Variants in VDAC1 observed in about 807,000 individuals in gnomAD.
VDAC1 encodes non-selective voltage-gated ion channel VDAC1.
Under a neutral mutation model 34.7 loss-of-function variants are expected in VDAC1, and 10 were observed. The ratio of observed to expected loss-of-function variants is 0.29; its 90% CI spans 0.18 to 0.49. The LOEUF is 0.49. Among genes scored for constraint, VDAC1 ranks in the 20% least tolerant of loss-of-function variants. The pLI, the probability that VDAC1 is intolerant of heterozygous loss-of-function variation, is 0.99. For synonymous variants in VDAC1, 130 were observed against 136.0 expected (o/e 0.96, Z 0.30); for missense variants, 230 against 347.9 (o/e 0.66, Z 2.69).
At chr5:134,091,458 G>C in the VDAC1 span, among the ~76,000 whole-genome samples, 56,108 of 152,056 alleles carry the variant, frequency 0.37, 12,918 homozygotes, top group Non-Finnish European at 0.52. Flanking sequence ...ATTGTGAACT[G>C]GACATTGGAA....
chr5:134,035,146 C>T, the VDAC1 span, among the ~76,000 whole-genome samples: 4 of 152,250 alleles, frequency 2.6e-5, no homozygotes, highest in Non-Finnish European at 5.9e-5. Flanking sequence ...GGTCGCTGGG[C>T]TGAGGCAGGA....
At chr5:134,022,404 T>C in the VDAC1 span, among the ~76,000 whole-genome samples, 1 of 152,236 alleles carries the variant, frequency 6.6e-6, no homozygotes, top group African/African-American at 2.4e-5. Flanking sequence ...GATGCTGCCA[T>C]CTGGCGAGGG....
intron 6 of VDAC1, among the ~76,000 whole-genome samples, chr5:133,977,916 AAAGG>A (rs1752538606): frequency 1.3e-5 from 2 of 152,200 alleles, no homozygotes; most frequent in Non-Finnish European, 2.9e-5. Flanking sequence ...AATTTTTTAA[AAAGG>A]AATGACCATC....
At chr5:134,050,559 C>T in the VDAC1 span, among the ~76,000 whole-genome samples, 1 of 152,128 alleles carries the variant, frequency 6.6e-6, no homozygotes, top group Non-Finnish European at 1.5e-5. Context: ...TCCTAAATTA[C>T]AGGGGAATGA....
rs151293292 is a variant in VDAC1 at position 133,989,930 on chromosome 5, G to A, written c.323+925C>T. 5.6e-3 allele frequency among the ~76,000 whole-genome samples: 858 copies of A among 152,352 alleles called. 5 individuals are homozygous for A. The highest frequency in any genetic ancestry group is 0.018 in the African/African-American group (760 of 41,592). ...GCCTGCCTCAGCCTCCCAAAGTGTT[G>A]GGATTACAGGCGTGAGCCACCACGC... On this transcript the variant is annotated intron_variant, in intron 5 of 8. Transcript: ENST00000265333.
At chr5:134,005,168 G>A (rs1309978887), upstream of VDAC1, 1 of 152,210 alleles carries the variant, frequency 6.6e-6, no homozygotes, top group African/African-American at 2.4e-5. Context: ...CTCCTGCTTG[G>A]CCTCCGCGCT....
At chr5:134,017,923 A>G in the VDAC1 span, among the ~76,000 whole-genome samples, 2 of 152,262 alleles carry the variant, frequency 1.3e-5, no homozygotes, top group Non-Finnish European at 2.9e-5. Context: ...AAAAAAATAA[A>G]TAAAAACAAA....
the VDAC1 span, among the ~76,000 whole-genome samples, chr5:134,017,242 G>A: frequency 2.0e-5 from 3 of 152,186 alleles, no homozygotes; most frequent in Admixed American, 2.0e-4. Context: ...TGAGGCGGGT[G>A]GATCACCTGA....
intron 5 of VDAC1, among the ~76,000 whole-genome samples, chr5:133,985,057 C>T (rs571985300): frequency 6.6e-6 from 1 of 152,318 alleles, no homozygotes; most frequent in Admixed American, 6.5e-5. Flanking sequence ...ACTCTAAAAG[C>T]TTGCTATATA....
In VDAC1 at chr5:133,972,011, G is replaced by A. The variant is rs1305688970; in HGVS notation, c.*760C>T. On this transcript the variant is annotated 3_prime_UTR_variant, in exon 9 of 9. Coordinates refer to ENST00000265333, the MANE Select transcript of VDAC1 (RefSeq NM_003374.3). ...CCAACAAAATGGAAGACTCTAAAAT[G>A]TACCCATTAAACTGCTAAAAAACAA... The A allele has an allele frequency of 6.6e-6, 1 of 152,592 alleles. No homozygotes were observed. The highest frequency in any genetic ancestry group is 1.5e-5 in the Non-Finnish European group (1 of 68,036). 9.5% of individuals were successfully genotyped at this position (152,592 alleles called of 1,614,324 possible).
the VDAC1 span, among the ~76,000 whole-genome samples, chr5:134,021,357 G>T: frequency 1.4e-5 from 2 of 147,746 alleles, no homozygotes; most frequent in African/African-American, 5.0e-5. Flanking sequence ...CCTCCGAAAG[G>T]CCCTGGTGTG....
the VDAC1 span, among the ~76,000 whole-genome samples, chr5:134,068,966 CTGTG>C: frequency 0.45 from 61,281 of 136,386 alleles, 13,534 homozygotes; most frequent in Non-Finnish European, 0.48. Flanking sequence ...TGGGAGGTGA[CTGTG>C]TGTGTGTGTG....
At chr5:133,980,689 A>AGGCCCC in intron 6 of VDAC1, 40 bp downstream of exon 6, 2 of 564,056 alleles carry the variant, frequency 3.5e-6, no homozygotes, top group Non-Finnish European at 6.7e-6. Flanking sequence ...ACATGCTCCA[A>AGGCCCC]CCCCACCCCT....
At chr5:134,023,417 A>G in the VDAC1 span, among the ~76,000 whole-genome samples, 3 of 150,386 alleles carry the variant, frequency 2.0e-5, no homozygotes, top group African/African-American at 7.3e-5. Context: ...GCAAACCACC[A>G]TGGCACACGT....
chr5:134,066,400 C>A, the VDAC1 span, among the ~76,000 whole-genome samples: 3 of 152,176 alleles, frequency 2.0e-5, no homozygotes, highest in African/African-American at 7.2e-5. Flanking sequence ...AACAAATGAG[C>A]ATGTCTGTGT....
the VDAC1 span, among the ~76,000 whole-genome samples, chr5:134,053,293 C>A: frequency 6.6e-6 from 1 of 152,200 alleles, no homozygotes; most frequent in Non-Finnish European, 1.5e-5. Context: ...GGTCACCCAG[C>A]AAGTCAGCAA....
the VDAC1 span, among the ~76,000 whole-genome samples, chr5:134,040,685 C>G: frequency 6.6e-6 from 1 of 152,210 alleles, no homozygotes; most frequent in Non-Finnish European, 1.5e-5. Flanking sequence ...CAATATCGTA[C>G]TGCTGCACTC....
At chr5:134,093,695 G>A in the VDAC1 span, among the ~76,000 whole-genome samples, 8 of 152,194 alleles carry the variant, frequency 5.3e-5, no homozygotes, top group African/African-American at 1.9e-4. Context: ...CAGGTTCTTC[G>A]ATCAGGCTCA....
At chr5:134,031,950 CAAAAAAAAAAA>C in the VDAC1 span, among the ~76,000 whole-genome samples, 5 of 68,778 alleles carry the variant, frequency 7.3e-5, no homozygotes, top group South Asian at 1.4e-3. Context: ...GACCCCATCT[CAAAAAAAAAAA>C]AAAAAAAGAA....
Sources: allele counts gnomAD v4.1 joint callset (sites outside exome capture counted in the v4.1 genomes callset), GRCh38; gene constraint gnomAD v4.1.1; transcripts MANE v1.5; gene names NCBI Gene and HGNC (gene_info 2026-07-23, HGNC 2026-07-21).